TRIM47: variants seen among roughly 807,000 people sequenced by gnomAD.
TRIM47 encodes the protein tripartite motif containing 47, also known as E3 ubiquitin-protein ligase TRIM47.
Under a neutral mutation model 54.4 loss-of-function variants are expected in TRIM47, and 46 were observed. The observed-to-expected ratio is 0.84, with a 90% CI of 0.67 to 1.08. The LOEUF is 1.08. Ranked by LOEUF, TRIM47 falls within the 50% of genes least tolerant of loss-of-function variation. The pLI is 0.00. For missense variants in TRIM47, 825 were observed against 910.1 expected, an observed-to-expected ratio of 0.91 and a Z score of 1.20; for synonymous variants, 392 against 410.2, an observed-to-expected ratio of 0.96 and a Z score of 0.54.
In TRIM47 at chr17:75,876,329, C is replaced by A; in HGVS notation, c.935G>T (p.Ser312Ile). The A allele has an allele frequency of 6.2e-7, 1 of 1,611,324 alleles. No individual in the cohort carries two copies. The highest frequency in any genetic ancestry group is 1.1e-5 in the South Asian group (1 of 91,070). Residue 312 changes from serine to isoleucine, a missense_variant, in exon 3 of 6, where the codon AGC (serine) becomes ATC (isoleucine). By Grantham distance (142) the Ser-to-Ile change is moderately radical (BLOSUM62 -2). Transcript: ENST00000254816. ...ATTCTGGCGGGCTCGGCTCAGGCGG[C>A]TGCGCTGTTCCTCCTGTCGCCGCAG... The part of the protein sequence containing the change: ...GDLRRQEEQR[S>I]RLSRARQNLS...
rs1296995529 is a variant in TRIM47, at chr17:75,875,461, G to A, written c.1215C>T (p.Pro405=). Residue 405 remains proline, a synonymous_variant, in exon 5 of 6, where the codon CCC becomes CCT. Transcript: ENST00000254816. This position sits in a 1 kb window ranked among gnomAD's most constrained non-coding sequence, Gnocchi z 6.1. Reference sequence around the variant, plus strand: ...AGAGGTTCGTACTCTCGAGGTCTTGGGGCTCAGCATCAGCTGTAGAAGAGG... The same window carrying A: ...AGAGGTTCGTACTCTCGAGGTCTTGAGGCTCAGCATCAGCTGTAGAAGAGG... ...QKLDSEADAE[P]QDLESTNLLE... 5 of 1,613,972 alleles carry A rather than the reference G, an allele frequency of 3.1e-6. No homozygotes were observed. The highest frequency in any genetic ancestry group is 4.2e-6 in the Non-Finnish European group (5 of 1,180,006).
intron 3 of TRIM47, 52 bp from the exon 4 acceptor site, chr17:75,876,151 C>CT: frequency 6.3e-7 from 1 of 1,584,340 alleles, no homozygotes; most frequent in Non-Finnish European, 8.6e-7. Context: ...CTCCTCCTTG[C>CT]TGGGGGTGGA....
Position 75,876,512 on chromosome 17 carries a change from A to G in TRIM47, c.772-20T>C. On this transcript the variant is annotated intron_variant, in intron 2 of 5. Coordinates refer to ENST00000254816, the MANE Select transcript of TRIM47 (RefSeq NM_033452.3). ...TGCACTCTGCACAGGACGACAGTAGAGGGGGCAATGAGGGCAAAGAACCGT... is the reference window on the plus strand; with the variant it reads ...TGCACTCTGCACAGGACGACAGTAGGGGGGGCAATGAGGGCAAAGAACCGT... The G allele has an allele frequency of 6.3e-7, 1 of 1,576,830 alleles. No homozygotes were observed. Among genetic ancestry groups the G allele is most frequent in the East Asian group, 2.3e-5 (1 of 43,378 alleles).
Position 75,875,235 on chromosome 17 carries a change from C to T in TRIM47, c.1277-112G>A, listed in dbSNP as rs958255659. Reference sequence around the variant, plus strand: ...CACAGCCTCTCCCCTGCTTTCCAACCGGCACAACCCAGCCCCGCCGGGGAC... The same window carrying T: ...CACAGCCTCTCCCCTGCTTTCCAACTGGCACAACCCAGCCCCGCCGGGGAC... On this transcript the variant is annotated intron_variant, in intron 5 of 5. Transcript: ENST00000254816. The surrounding 1 kb of genome is among the most constrained non-coding windows in gnomAD (Gnocchi z 6.1). 1.2e-4 allele frequency: 174 copies of T among 1,449,588 alleles called. No homozygotes were observed. Among genetic ancestry groups the T allele is most frequent in the Non-Finnish European group, 1.6e-4 (171 of 1,076,948 alleles). 89.8% of individuals were successfully genotyped at this position (1,449,588 alleles called of 1,614,324 possible). A position where few individuals can be genotyped will look rare whatever the true frequency, so the allele number is the denominator to read the frequency against.
Position 75,874,387 on chromosome 17 carries a change from TG to T in TRIM47, c.*95del. The T allele has an allele frequency of 1.7e-6, 2 of 1,187,678 alleles. No homozygotes were observed. Among genetic ancestry groups the T allele is most frequent in the Non-Finnish European group, 1.2e-6 (1 of 865,528 alleles). The allele number at this position is 1,187,678 out of a possible 1,614,324, so 73.6% of individuals were successfully genotyped here. A position where few individuals can be genotyped will look rare whatever the true frequency, so the allele number is the denominator to read the frequency against. ...TCTAGAAATGAGAAGGCTGGGTGTG[TG>T]GGACTCATGCTGGTGCCTTCCCAGA... On this transcript the variant is annotated 3_prime_UTR_variant, in exon 6 of 6. Transcript: ENST00000254816. The surrounding 1 kb of genome is among the most constrained non-coding windows in gnomAD (Gnocchi z 6.2).
Position 75,875,457 on chromosome 17 carries a change from C to A in TRIM47, c.1219G>T (p.Asp407Tyr). The A allele has an allele frequency of 6.2e-7, 1 of 1,614,110 alleles. No individual in the cohort carries two copies. The highest frequency in any genetic ancestry group is 8.5e-7 in the Non-Finnish European group (1 of 1,179,988). Residue 407 changes from aspartate to tyrosine, a missense_variant, in exon 5 of 6, where the codon GAC becomes TAC. Transcript: ENST00000254816. The surrounding 1 kb of genome is among the most constrained non-coding windows in gnomAD (Gnocchi z 6.1). Reference sequence around the variant, plus strand: ...TCCAAGAGGTTCGTACTCTCGAGGTCTTGGGGCTCAGCATCAGCTGTAGAA... The same window carrying A: ...TCCAAGAGGTTCGTACTCTCGAGGTATTGGGGCTCAGCATCAGCTGTAGAA... ...LDSEADAEPQ[D>Y]LESTNLLESE...
In TRIM47 at chr17:75,875,633, G is replaced by T; in HGVS notation, c.1202-159C>A. On this transcript the variant is annotated intron_variant, in intron 4 of 5. Coordinates refer to ENST00000254816, the MANE Select transcript of TRIM47 (RefSeq NM_033452.3). The surrounding 1 kb of genome is among the most constrained non-coding windows in gnomAD (Gnocchi z 6.1). ...CGCTGTGCTCACACACATGCCCGTT[G>T]CCTGTGTTCTGCCTCTTGCCCCATG... is the stretch of plus-strand genomic sequence containing the variant. The T allele has an allele frequency of 1.3e-6, 1 of 747,538 alleles. No homozygotes were observed. The highest frequency in any genetic ancestry group is 2.3e-6 in the Non-Finnish European group (1 of 438,872). The allele number at this position is 747,538 out of a possible 1,614,324, so 46.3% of individuals were successfully genotyped here. A position where few individuals can be genotyped will look rare whatever the true frequency, so the allele number is the denominator to read the frequency against.
In TRIM47 at chr17:75,878,019, A is replaced by AGCCG. The variant is rs2065146038; in HGVS notation, c.526_529dup (p.Leu177ProfsTer52). On this transcript the variant is annotated frameshift_variant, in exon 1 of 6. Coordinates refer to ENST00000254816, the MANE Select transcript of TRIM47 (RefSeq NM_033452.3). LOFTEE classifies it high-confidence loss of function. ...GTGGCGCGGGCACAGGCTCTCCTCT[A>AGCCG]GCCGGCGCAGCGGCGGCACCAGGCG... 1 of 1,441,976 alleles carries AGCCG rather than the reference A, an allele frequency of 6.9e-7. No homozygotes were observed. Among genetic ancestry groups the AGCCG allele is most frequent in the Admixed American group, 2.6e-5 (1 of 38,002 alleles). 89.3% of individuals were successfully genotyped at this position (1,441,976 alleles called of 1,614,324 possible).
rs781434841 is a variant in TRIM47 at position 75,876,338 on chromosome 17, T to G, written c.926A>C (p.Glu309Ala). 6.2e-7 allele frequency: 1 copy of G among 1,611,678 alleles called. No homozygotes were observed. Among genetic ancestry groups the G allele is most frequent in the Admixed American group, 1.7e-5 (1 of 60,002 alleles). ...GGCTCGGCTCAGGCGGCTGCGCTGT[T>G]CCTCCTGTCGCCGCAGGTCACCCTG... ...RSQGDLRRQE[E>A]QRSRLSRARQ... The change falls in exon 3 of 6, where the codon GAA becomes GCA. Residue 309 changes from glutamate to alanine, a missense_variant. Coordinates refer to ENST00000254816, the MANE Select transcript of TRIM47 (RefSeq NM_033452.3).
In TRIM47 at chr17:75,874,857, G is replaced by C; in HGVS notation, c.1543C>G (p.Arg515Gly). The C allele has an allele frequency of 6.2e-7, 1 of 1,614,114 alleles. No individual in the cohort carries two copies. The highest frequency in any genetic ancestry group is 8.5e-7 in the Non-Finnish European group (1 of 1,180,012). Residue 515 changes from arginine (R) to glycine (G), a missense_variant, in exon 6 of 6, where the codon CGC becomes GGC. Transcript: ENST00000254816. The surrounding 1 kb of genome is among the most constrained non-coding windows in gnomAD (Gnocchi z 6.2). The stretch of plus-strand genomic sequence containing the variant: ...TGCAGGCAGCAGGAGTGGGCGTTGC[G>C]GCCCAGCCGGCCGCGGTCGTAGGGC... ...QEPYDRGRLG[R>G]NAHSCCLQWN...
chr17:75,875,539 A>T lies in TRIM47; in HGVS notation c.1202-65T>A. ...GCCCCCCTCTGAACCTGTGACTACA[A>T]TCCCTACCCCCTTCACTTCCTCCCA... On this transcript the variant is annotated intron_variant, in intron 4 of 5. Transcript: ENST00000254816. The surrounding 1 kb of genome is among the most constrained non-coding windows in gnomAD (Gnocchi z 6.1). 7.1e-7 allele frequency: 1 copy of T among 1,411,546 alleles called. No homozygotes were observed. The highest frequency in any genetic ancestry group is 1.0e-6 in the Non-Finnish European group (1 of 1,000,430). The allele number at this position is 1,411,546 out of a possible 1,614,324, so 87.4% of individuals were successfully genotyped here. A position where few individuals can be genotyped will look rare whatever the true frequency, so the allele number is the denominator to read the frequency against.
rs746949361 is a variant in TRIM47 at position 75,878,022 on chromosome 17, C to A, written c.527G>T (p.Arg176Leu). ...GCGCGGGCACAGGCTCTCCTCTAGC[C>A]GGCGCAGCGGCGGCACCAGGCGGTG... ...RGHRLVPPLR[R>L]LEESLCPRHL... The change falls in exon 1 of 6, where the codon CGG becomes CTG. Residue 176 changes from arginine to leucine, a missense_variant. Transcript: ENST00000254816. 2.0e-5 allele frequency: 29 copies of A among 1,436,156 alleles called. No homozygotes were observed. Among genetic ancestry groups the A allele is most frequent in the Non-Finnish European group, 2.6e-5 (28 of 1,097,760 alleles). The allele number at this position is 1,436,156 out of a possible 1,614,324, so 89.0% of individuals were successfully genotyped here. A position where few individuals can be genotyped will look rare whatever the true frequency, so the allele number is the denominator to read the frequency against.
rs775934932 is a variant in TRIM47 at position 75,874,804 on chromosome 17, C to G, written c.1596G>C (p.Trp532Cys). ...GCAGGGGAGCCTCCAGCCCATGAAA[C>G]CAGACGGAGAAGCTGCGTCCATTCC... ...LQWNGRSFSV[W>C]FHGLEAPLPH... is the part of the protein sequence containing the mutation. The change falls in exon 6 of 6, where the codon TGG (tryptophan) becomes TGC (cysteine). Residue 532 changes from tryptophan to cysteine, a missense_variant. Physicochemically the swap from Trp to Cys is radical, Grantham distance 215. Coordinates refer to ENST00000254816, the MANE Select transcript of TRIM47 (RefSeq NM_033452.3). The surrounding 1 kb of genome is among the most constrained non-coding windows in gnomAD (Gnocchi z 6.2). 20 of 1,613,914 alleles carry G rather than the reference C, an allele frequency of 1.2e-5. No individual in the cohort carries two copies. Among genetic ancestry groups the G allele is most frequent in the Non-Finnish European group, 1.6e-5 (19 of 1,180,010 alleles).
chr17:75,874,824 C>T lies in TRIM47; in HGVS notation c.1576G>A (p.Gly526Arg). The change falls in exon 6 of 6, where the codon GGA becomes AGA. Residue 526 changes from glycine to arginine, a missense_variant. By Grantham distance (125) the Gly-to-Arg change is moderately radical. Coordinates refer to ENST00000254816, the MANE Select transcript of TRIM47 (RefSeq NM_033452.3). The surrounding 1 kb of genome is among the most constrained non-coding windows in gnomAD (Gnocchi z 6.2). Reference protein sequence around the residue: ...NAHSCCLQWNGRSFSVWFHGL... With the variant: ...NAHSCCLQWNRRSFSVWFHGL... ...TGAAACCAGACGGAGAAGCTGCGTC[C>T]ATTCCACTGCAGGCAGCAGGAGTGG... 2 of 1,614,074 alleles carry T rather than the reference C, an allele frequency of 1.2e-6. No homozygotes were observed. Among genetic ancestry groups the T allele is most frequent in the Non-Finnish European group, 1.7e-6 (2 of 1,179,982 alleles).
Position 75,876,460 on chromosome 17 carries a change from G to A in TRIM47, c.804C>T (p.Ser268=). Residue 268 remains serine, a synonymous_variant, in exon 3 of 6, where the codon AGC becomes AGT. Transcript: ENST00000254816. ...CGGCCGCAGCATCTGCAAACAGCCG[G>A]CTCACCCTCTCCCGCTCTGCTACGG... ...SAAVAERERV[S]RLFADAAAAL... 1.2e-6 allele frequency: 2 copies of A among 1,609,838 alleles called. No individual in the cohort carries two copies. The highest frequency in any genetic ancestry group is 1.7e-6 in the Non-Finnish European group (2 of 1,179,598).
In TRIM47 at chr17:75,875,932, G is replaced by A. The variant is rs1190088611; in HGVS notation, c.1170C>T (p.Asn390=). The A allele has an allele frequency of 7.4e-6, 12 of 1,611,780 alleles. No homozygotes were observed. Among genetic ancestry groups the A allele is most frequent in the Admixed American group, 3.3e-5 (2 of 60,004 alleles). Residue 390 remains asparagine, a synonymous_variant, in exon 4 of 6, where the codon AAC becomes AAT. Transcript: ENST00000254816. The surrounding 1 kb of genome is among the most constrained non-coding windows in gnomAD (Gnocchi z 6.1). ...QWEQLRGPGG[N]EDGPQKLDSE... ...AGTCCAGCTTCTGTGGCCCATCCTC[G>A]TTGCCACCCGGCCCCCTCAGCTGCT...
chr17:75,877,598 TC>T, intron 1 of TRIM47: 4 of 1,092,038 alleles, frequency 3.7e-6, no homozygotes, highest in Non-Finnish European at 4.6e-6. Context: ...CCCGGCTCCC[TC>T]CCGCCTACAC....
Position 75,876,267 on chromosome 17 carries a change from GGAAGCTGACT to G in TRIM47, c.987_996del (p.Val330CysfsTer7). On this transcript the variant is annotated frameshift_variant, in exon 3 of 6. Coordinates refer to ENST00000254816, the MANE Select transcript of TRIM47 (RefSeq NM_033452.3). LOFTEE classifies it high-confidence loss of function. ...GCCCCCAGAGCGGCCTTCACCTGCA[GGAAGCTGACT>G]GAGTCAGCTTCAGGGACCTGGCTGA... 1 of 1,604,340 alleles carries G rather than the reference GGAAGCTGACT, an allele frequency of 6.2e-7. No individual in the cohort carries two copies. The highest frequency in any genetic ancestry group is 8.5e-7 in the Non-Finnish European group (1 of 1,177,088).
rs999341595 is a variant in TRIM47, at chr17:75,876,816, G to A, written c.676-3C>T. 6.2e-7 allele frequency: 1 copy of A among 1,613,794 alleles called. No homozygotes were observed. The highest frequency in any genetic ancestry group is 1.7e-5 in the Admixed American group (1 of 60,020). ...CTCAGGACTTTGGACTGCTCAGCCTGTGGACAACACCCTCCATGAGTGTGA... is the reference window on the plus strand; with the variant it reads ...CTCAGGACTTTGGACTGCTCAGCCTATGGACAACACCCTCCATGAGTGTGA... On this transcript the variant is annotated splice_polypyrimidine_tract_variant and splice_region_variant and intron_variant, in intron 1 of 5. Coordinates refer to ENST00000254816, the MANE Select transcript of TRIM47 (RefSeq NM_033452.3).
Sources: allele counts gnomAD v4.1 joint callset, GRCh38; gene constraint gnomAD v4.1.1; non-coding constraint Gnocchi (gnomAD v3.1); transcripts MANE v1.5; gene names NCBI Gene and HGNC (gene_info 2026-07-23, HGNC 2026-07-21).